MYO1G: variants seen among roughly 807,000 people sequenced by gnomAD.
The protein encoded by MYO1G is unconventional myosin-Ig.
MYO1G carries 65 observed loss-of-function variants against 115.3 expected under a neutral mutation model. The ratio of observed to expected loss-of-function variants is 0.56; its 90% CI spans 0.46 to 0.69. The LOEUF is 0.69. Among genes scored for constraint, MYO1G ranks in the 30% least tolerant of loss-of-function variants. The probability of loss-of-function intolerance (pLI) is 0.00; values close to 1 mark genes in which losing one functional copy is unlikely to be tolerated. For synonymous variants in MYO1G, 510 were observed against 552.6 expected (o/e 0.92, Z 1.08); for missense variants, 1,204 against 1,393.5 (o/e 0.86, Z 2.16).
At chr7:44,972,049 C>A in intron 6 of MYO1G, 66 bp downstream of exon 6, 1 of 1,275,656 alleles carries the variant, frequency 7.8e-7, no homozygotes, top group African/African-American at 1.5e-5. Flanking sequence ...GCTGCCCATT[C>A]CCTACCACCA....
chr7:44,977,798 C>G (rs1476725939), intron 1 of MYO1G, among the ~76,000 whole-genome samples: 1 of 152,134 alleles, frequency 6.6e-6, no homozygotes, highest in African/African-American at 2.4e-5. Context: ...ACCCACCCTT[C>G]CCTGGATGGC....
rs1331958465 is a variant in MYO1G at position 44,969,682 on chromosome 7, G to A, written c.1503+23C>T. 3 of 1,609,228 alleles carry A rather than the reference G, an allele frequency of 1.9e-6. No homozygotes were observed. Among genetic ancestry groups the A allele is most frequent in the Non-Finnish European group, 2.5e-6 (3 of 1,179,132 alleles). ...GCAGGTCCCACCAGCCCACTGTGGT[G>A]GCACTGGGACAGCCGGGGGCACCTG... is the stretch of plus-strand genomic sequence containing the variant. On this transcript the variant is annotated intron_variant, in intron 11 of 21. Coordinates refer to ENST00000258787, the MANE Select transcript of MYO1G (RefSeq NM_033054.3). The surrounding 1 kb of genome is among the most constrained non-coding windows in gnomAD (Gnocchi z 5.0).
chr7:44,965,208 C>T, intron 17 of MYO1G, 119 bp from the exon 18 acceptor site: 2 of 1,397,586 alleles, frequency 1.4e-6, no homozygotes, highest in African/African-American at 1.4e-5. Flanking sequence ...CATGTCCCAA[C>T]CTCTGCCGGC....
In MYO1G at chr7:44,963,080, C is replaced by T. The variant is rs1777772528; in HGVS notation, c.2790G>A (p.Val930=). ...SVTSGGDQLV[V]LHARGQDDLV... ...GGTCGTCCTGGCCGCGGGCGTGCAG[C>T]ACCACCAGCTGGTCTCCTCCGCTGG... is the stretch of plus-strand genomic sequence containing the variant. Residue 930 remains valine (V), a synonymous_variant, in exon 21 of 22, where the codon GTG becomes GTA. Coordinates refer to ENST00000258787, the MANE Select transcript of MYO1G (RefSeq NM_033054.3). The surrounding 1 kb of genome is among the most constrained non-coding windows in gnomAD (Gnocchi z 4.1). 6.6e-7 allele frequency: 1 copy of T among 1,520,612 alleles called. No homozygotes were observed. Among genetic ancestry groups the T allele is most frequent in the East Asian group, 2.6e-5 (1 of 39,134 alleles). 94.2% of individuals were successfully genotyped at this position (1,520,612 alleles called of 1,614,324 possible). A position where few individuals can be genotyped will look rare whatever the true frequency, so the allele number is the denominator to read the frequency against.
chr7:44,967,307 G>A (rs1335573780), intron 14 of MYO1G, among the ~76,000 whole-genome samples: 1 of 152,174 alleles, frequency 6.6e-6, no homozygotes, highest in Non-Finnish European at 1.5e-5. Flanking sequence ...AGCTGGGCTG[G>A]GCCAAGCCAG....
chr7:44,969,493 C>G lies in MYO1G; in HGVS notation c.1504-10G>C, dbSNP rs376023447. The G allele has an allele frequency of 7.3e-5, 117 of 1,613,684 alleles. No homozygotes were observed. In the African/African-American group the frequency reaches 1.4e-3, roughly 20 times the overall value. ...TGTCTGTGGGGCAGAGCTATGGGGA[C>G]AGGCTGAGGTCAAGGCACAAAAGGT... On this transcript the variant is annotated splice_polypyrimidine_tract_variant and intron_variant, in intron 11 of 21. Coordinates refer to ENST00000258787, the MANE Select transcript of MYO1G (RefSeq NM_033054.3). This position sits in a 1 kb window ranked among gnomAD's most constrained non-coding sequence, Gnocchi z 5.0.
intron 1 of MYO1G, among the ~76,000 whole-genome samples, chr7:44,977,486 C>T (rs1795077717): frequency 6.6e-6 from 1 of 152,134 alleles, no homozygotes; most frequent in Admixed American, 6.5e-5. Flanking sequence ...GAAGGAGGGG[C>T]CTCCTCGGCT....
rs1345941270 is a variant in MYO1G, at chr7:44,969,475, G to A, written c.1512C>T (p.Pro504=). The A allele has an allele frequency of 6.2e-7, 1 of 1,613,916 alleles. No individual in the cohort carries two copies. The highest frequency in any genetic ancestry group is 1.6e-4 in the Middle Eastern group (1 of 6,062). ...GGCCAAACTCCATGGTCTTGTCTGT[G>A]GGGCAGAGCTATGGGGACAGGCTGA... The part of the protein sequence containing the change: ...HLHYTSRQLC[P]TDKTMEFGRD... Residue 504 remains proline (P), a synonymous_variant, in exon 12 of 22, where the codon CCC becomes CCT. Coordinates refer to ENST00000258787, the MANE Select transcript of MYO1G (RefSeq NM_033054.3). This position sits in a 1 kb window ranked among gnomAD's most constrained non-coding sequence, Gnocchi z 5.0.
chr7:44,967,469 A>G, intron 14 of MYO1G, 136 bp downstream of exon 14: 1 of 1,176,400 alleles, frequency 8.5e-7, no homozygotes. Flanking sequence ...GCTGGAGCAG[A>G]TGTGGCTCAT....
intron 12 of MYO1G, 46 bp from the exon 13 acceptor site, chr7:44,968,004 A>G: frequency 6.4e-7 from 1 of 1,551,952 alleles, no homozygotes. Flanking sequence ...GGGGGCTGCC[A>G]GGCCAGAGTG....
chr7:44,965,886 A>G, intron 16 of MYO1G, 26 bp from the exon 17 acceptor site: 1 of 1,593,818 alleles, frequency 6.3e-7, no homozygotes, highest in Non-Finnish European at 8.5e-7. Context: ...GGGATGGGAT[A>G]CGCAGTCAAA....
intron 3 of MYO1G, 151 bp from the exon 4 acceptor site, chr7:44,975,800 C>T (rs1795038981): frequency 2.3e-6 from 2 of 854,102 alleles, no homozygotes; most frequent in Non-Finnish European, 3.4e-6. Flanking sequence ...TGGCCTCGCC[C>T]AGTGTTGCCT....
At position 44,966,344 on chromosome 7, in the gene MYO1G, C is replaced by T; in HGVS notation, c.1950-64G>A. 7.1e-7 allele frequency: 1 copy of T among 1,403,168 alleles called. No individual in the cohort carries two copies. Among genetic ancestry groups the T allele is most frequent in the Non-Finnish European group, 9.8e-7 (1 of 1,021,946 alleles). The allele number at this position is 1,403,168 out of a possible 1,614,324, so 86.9% of individuals were successfully genotyped here. On this transcript the variant is annotated intron_variant, in intron 15 of 21. Coordinates refer to ENST00000258787, the MANE Select transcript of MYO1G (RefSeq NM_033054.3). This position sits in a 1 kb window ranked among gnomAD's most constrained non-coding sequence, Gnocchi z 5.0. ...GGGAGAGATGATGGAGCCCACCCTG[C>T]CCACCCCACACCTGGGGAGATGGCA...
Position 44,970,493 on chromosome 7 carries a change from C to T in MYO1G, c.1217+99G>A, listed in dbSNP as rs1427942891. 6 of 1,515,544 alleles carry T rather than the reference C, an allele frequency of 4.0e-6. No homozygotes were observed. In the Admixed American group the frequency reaches 7.4e-5, roughly 19 times the overall value. The allele number at this position is 1,515,544 out of a possible 1,614,324, so 93.9% of individuals were successfully genotyped here. A position where few individuals can be genotyped will look rare whatever the true frequency, so the allele number is the denominator to read the frequency against. On this transcript the variant is annotated intron_variant, in intron 9 of 21. Transcript: ENST00000258787. ...GCCCAGGGACCAGCCGGGAGAAACC[C>T]CAACATTCCTGCTGCCCAGCCCCAG...
chr7:44,963,012 C>T lies in MYO1G; in HGVS notation c.2858G>A (p.Arg953His), dbSNP rs1562825544. Residue 953 changes from arginine to histidine, a missense_variant, in exon 21 of 22, where the codon CGC (arginine) becomes CAC (histidine). By Grantham distance (29) the Arg-to-His change is conservative. Coordinates refer to ENST00000258787, the MANE Select transcript of MYO1G (RefSeq NM_033054.3). This position sits in a 1 kb window ranked among gnomAD's most constrained non-coding sequence, Gnocchi z 4.1. ...LHRSRPPLDN[R>H]VGELVGVLAA... ...CAGCACGCCCACCAGCTCCCCAACG[C>T]GGTTGTCCAATGGCGGCCGGGAGCG... 1.3e-6 allele frequency: 2 copies of T among 1,533,090 alleles called. No individual in the cohort carries two copies. The highest frequency in any genetic ancestry group is 8.7e-7 in the Non-Finnish European group (1 of 1,144,338). 95.0% of individuals were successfully genotyped at this position (1,533,090 alleles called of 1,614,324 possible).
Position 44,966,571 on chromosome 7 carries a change from T to A in MYO1G, c.1949+101A>T. The A allele has an allele frequency of 7.0e-7, 1 of 1,432,326 alleles. No homozygotes were observed. The highest frequency in any genetic ancestry group is 9.8e-7 in the Non-Finnish European group (1 of 1,023,914). 88.7% of individuals were successfully genotyped at this position (1,432,326 alleles called of 1,614,324 possible). ...AGCAGCGTGCTGGTTCCTGCTTGTA[T>A]CGATGTTTGCGACGTGCTGTTTGGG... On this transcript the variant is annotated intron_variant, in intron 15 of 21. Transcript: ENST00000258787. The surrounding 1 kb of genome is among the most constrained non-coding windows in gnomAD (Gnocchi z 5.0).
chr7:44,976,520 C>G, intron 3 of MYO1G, 44 bp downstream of exon 3: 1 of 1,589,122 alleles, frequency 6.3e-7, no homozygotes, highest in Non-Finnish European at 8.6e-7. Context: ...ACTGAGGTCC[C>G]TGGCCTGCCA....
rs61739531 is a variant in MYO1G, at chr7:44,977,022, C to T, written c.145G>A (p.Val49Met). 0.2 allele frequency: 327,852 copies of T among 1,613,356 alleles called. 35,980 individuals carry two copies. The highest frequency in any genetic ancestry group is 0.22 in the Non-Finnish European group (259,689 of 1,179,962). Residue 49 changes from valine to methionine, a missense_variant, in exon 2 of 22, where the codon GTG (valine) becomes ATG (methionine). Val to Met is a conservative substitution (Grantham distance 21). Transcript: ENST00000258787. Reference protein sequence around the residue: ...YTYIGEVLVSVNPYQELPLYG... With the variant: ...YTYIGEVLVSMNPYQELPLYG... The stretch of plus-strand genomic sequence containing the variant: ...AGGGGCAGCTCCTGGTAGGGGTTCA[C>T]GGACACCAGCACCTCACCGATGTAG...
chr7:44,966,060 C>T lies in MYO1G; in HGVS notation c.2157+13G>A, dbSNP rs751652292. The T allele has an allele frequency of 2.7e-5, 44 of 1,609,184 alleles. No homozygotes were observed. The highest frequency in any genetic ancestry group is 3.3e-5 in the Non-Finnish European group (39 of 1,179,366). On this transcript the variant is annotated intron_variant, in intron 16 of 21. Coordinates refer to ENST00000258787, the MANE Select transcript of MYO1G (RefSeq NM_033054.3). This position sits in a 1 kb window ranked among gnomAD's most constrained non-coding sequence, Gnocchi z 5.0. ...CCTCCATAGTGGATGTCTTCCTGCCCCGCCCACCTCACCTTCTGCAATAGC... is the reference window on the plus strand; with the variant it reads ...CCTCCATAGTGGATGTCTTCCTGCCTCGCCCACCTCACCTTCTGCAATAGC...
Sources: allele counts gnomAD v4.1 joint callset (sites outside exome capture counted in the v4.1 genomes callset), GRCh38; gene constraint gnomAD v4.1.1; non-coding constraint Gnocchi (gnomAD v3.1); transcripts MANE v1.5; gene names NCBI Gene and HGNC (gene_info 2026-07-23, HGNC 2026-07-21).